The following LPAR6 variants were observed in gnomAD, a reference collection of about 807,000 sequenced individuals.
The protein encoded by LPAR6 is lysophosphatidic acid receptor 6.
LPAR6 carries 17 observed loss-of-function variants against 22.0 expected under a neutral mutation model. That is an observed-to-expected ratio of 0.77 (90% CI 0.53 to 1.16). The LOEUF is 1.16. Among genes scored for constraint, LPAR6 ranks in the 50% most tolerant of loss-of-function variants. The pLI is 0.00. For synonymous variants in LPAR6, 136 were observed against 139.8 expected (o/e 0.97, Z 0.19); for missense variants, 384 against 406.9 (o/e 0.94, Z 0.48).
At chr13:48,442,057 A>G (rs548893182) in intron 1 of LPAR6, among the ~76,000 whole-genome samples, 2 of 152,298 alleles carry the variant, frequency 1.3e-5, no homozygotes, top group Admixed American at 1.3e-4. Context: ...CACTCCTTCT[A>G]CATCTACAAA....
In LPAR6 at chr13:48,392,168, T is replaced by C. The variant is rs952119418; in HGVS notation, n.115-2356A>G. Among the ~76,000 whole-genome samples, 23 of 152,154 alleles carry C rather than the reference T, an allele frequency of 1.5e-4. No individual in the cohort carries two copies. In the East Asian group the frequency reaches 4.1e-3, roughly 27 times the overall value. On this transcript the variant is annotated intron_variant and non_coding_transcript_variant, in intron 1 of 1. Coordinates refer to the LPAR6 transcript ENST00000462781. ...CTCTTTTGCCCAGGCTGGAGTGCAG[T>C]GGCATGATCCCAGCTCACTGCAACC... is the stretch of plus-strand genomic sequence containing the variant.
At chr13:48,392,659 A>C (rs768491385) in intron 1 of LPAR6, among the ~76,000 whole-genome samples, 1 of 152,068 alleles carries the variant, frequency 6.6e-6, no homozygotes, top group Non-Finnish European at 1.5e-5. Context: ...CTTCTTGAAC[A>C]TATGGGATAT....
At chr13:48,408,715 G>C (rs1948761717), downstream of LPAR6, 1 of 152,092 alleles carries the variant, frequency 6.6e-6, no homozygotes, top group South Asian at 2.1e-4. Context: ...TTTGTTATCT[G>C]TTATGTATTG....
intron 1 of LPAR6, among the ~76,000 whole-genome samples, chr13:48,440,783 T>G (rs1949229381): frequency 6.6e-6 from 1 of 152,164 alleles, no homozygotes; most frequent in African/African-American, 2.4e-5. Flanking sequence ...AAAAAATTAA[T>G]GTATTCATAA....
At chr13:48,420,790 G>T (rs2138240762) in intron 2 of LPAR6, among the ~76,000 whole-genome samples, 1 of 152,224 alleles carries the variant, frequency 6.6e-6, no homozygotes, top group Admixed American at 6.5e-5. Flanking sequence ...ATTCACAAAT[G>T]CTACAAAGAG....
intron 2 of LPAR6, among the ~76,000 whole-genome samples, chr13:48,418,119 A>G (rs1235138669): frequency 3.3e-5 from 5 of 152,142 alleles, no homozygotes; most frequent in Admixed American, 3.3e-4. Flanking sequence ...AAATGTTAAA[A>G]GCAGCCAGAG....
At chr13:48,426,621 T>C (rs527924004) in intron 1 of LPAR6, 1 of 152,386 alleles carries the variant, frequency 6.6e-6, no homozygotes, top group South Asian at 2.1e-4. Context: ...GTATATAGTT[T>C]AGCTCTCCTT....
chr13:48,424,659 C>T (rs1229648034), intron 1 of LPAR6, among the ~76,000 whole-genome samples: 3 of 152,152 alleles, frequency 2.0e-5, no homozygotes, highest in East Asian at 1.9e-4. Context: ...AATCATATCA[C>T]GTCTTTTCTA....
At position 48,421,608 on chromosome 13, in the gene LPAR6, G is replaced by A. The variant is rs987540456; in HGVS notation, c.-954+1042C>T. 7.9e-5 allele frequency among the ~76,000 whole-genome samples: 12 copies of A among 151,738 alleles called. No homozygotes were observed. The South Asian group carries it at 1.0e-3, about 13-fold the overall frequency. ...CTACAGAATGGGAGAAAATTTTTGCGATCTATCCATCTGACAAAGGGCTAA... is the reference window on the plus strand; with the variant it reads ...CTACAGAATGGGAGAAAATTTTTGCAATCTATCCATCTGACAAAGGGCTAA... On this transcript the variant is annotated intron_variant, in intron 2 of 4. Transcript: ENST00000345941.
intron 2 of LPAR6, among the ~76,000 whole-genome samples, chr13:48,419,809 A>T (rs2138236491): frequency 6.6e-6 from 1 of 152,358 alleles, no homozygotes; most frequent in South Asian, 2.1e-4. Flanking sequence ...AAATTCCTGG[A>T]CACATACACC....
downstream of LPAR6, chr13:48,408,586 G>C (rs1948760112): frequency 2.6e-5 from 4 of 151,962 alleles, no homozygotes; most frequent in Admixed American, 2.0e-4. Flanking sequence ...TGAATAAAGG[G>C]GGAAGGGAAG....
At chr13:48,432,427 G>GTTTTTTTTT (rs199873207) in intron 1 of LPAR6, among the ~76,000 whole-genome samples, 1 of 136,684 alleles carries the variant, frequency 7.3e-6, no homozygotes. Context: ...TTGTTTTTTT[G>GTTTTTTTTT]TTTTTTTTTT....
intron 1 of LPAR6, among the ~76,000 whole-genome samples, chr13:48,443,853 TG>T: frequency 6.6e-6 from 1 of 152,346 alleles, no homozygotes; most frequent in Middle Eastern, 3.4e-3. Context: ...ACATTTTTGT[TG>T]ATGACATGCT....
intron 1 of LPAR6, among the ~76,000 whole-genome samples, chr13:48,402,110 G>A (rs868340376): frequency 1.3e-5 from 2 of 152,098 alleles, no homozygotes; most frequent in Middle Eastern, 6.8e-3. Flanking sequence ...TTTTACATGA[G>A]TCATAAACAA....
At chr13:48,403,351 C>T (rs780647172) in intron 1 of LPAR6, among the ~76,000 whole-genome samples, 76 of 152,264 alleles carry the variant, frequency 5.0e-4, no homozygotes, top group Non-Finnish European at 1.0e-3. Context: ...AAAAAAGACA[C>T]ATATCACAGG....
chr13:48,390,859 A>G (rs1190725281), intron 1 of LPAR6, among the ~76,000 whole-genome samples: 5 of 152,116 alleles, frequency 3.3e-5, no homozygotes, highest in African/African-American at 1.2e-4. Context: ...ATTCTTAAAG[A>G]AGTGATTTTC....
chr13:48,431,943 C>T (rs1435042492), intron 1 of LPAR6, among the ~76,000 whole-genome samples: 2 of 151,986 alleles, frequency 1.3e-5, no homozygotes, highest in Non-Finnish European at 2.9e-5. Flanking sequence ...GTACCAGGTG[C>T]TTTTCTAGGT....
In LPAR6 at chr13:48,435,599, T is replaced by G. The variant is rs149079742; in HGVS notation, c.-1474+8954A>C. On this transcript the variant is annotated intron_variant, in intron 1 of 6. Coordinates refer to the LPAR6 transcript ENST00000378434. ...AAAGTCCAGTTTATCACTTTTTCCT[T>G]TTATGGATTATGCTTTTGGTGTCAA... Among the ~76,000 whole-genome samples the G allele has an allele frequency of 4.1e-4, 62 of 152,302 alleles. No homozygotes were observed. In the Middle Eastern group the frequency reaches 0.01, roughly 25 times the overall value.
intron 1 of LPAR6, among the ~76,000 whole-genome samples, chr13:48,395,734 A>G (rs1948642829): frequency 6.6e-6 from 1 of 152,218 alleles, no homozygotes; most frequent in Admixed American, 6.5e-5. Flanking sequence ...GGACTATGTG[A>G]AAAGACCAAA....
Sources: gnomAD v4.1 joint callset for allele counts (sites outside exome capture counted in the v4.1 genomes callset) on GRCh38, gnomAD v4.1.1 for gene constraint, MANE v1.5 for transcripts, NCBI Gene and HGNC (gene_info 2026-07-23, HGNC 2026-07-21) for gene names.